The following PCDHGA7 variants were observed in gnomAD, a reference collection of about 807,000 sequenced individuals.
PCDHGA7 encodes protocadherin gamma subfamily A, 7.
A neutral mutation model predicts 58.3 loss-of-function variants in PCDHGA7; 44 were observed. The ratio of observed to expected loss-of-function variants is 0.75; its 90% confidence interval spans 0.59 to 0.97. PCDHGA7 has a LOEUF of 0.97. PCDHGA7 is among the 50% of genes least tolerant of loss of function. The pLI, the probability that PCDHGA7 is intolerant of heterozygous loss-of-function variation, is 0.00. For missense variants in PCDHGA7, 1,266 were observed against 1,188.7 expected (o/e 1.06, Z -0.96); for synonymous variants, 516 against 504.2 (o/e 1.02, Z -0.31).
At chr5:141,414,481 C>T (rs1011579090) in intron 1 of PCDHGA7, 2 of 1,613,948 alleles carry the variant, frequency 1.2e-6, no homozygotes, top group Non-Finnish European at 1.7e-6. Context: ...AAGTCCTCCT[C>T]TATCAACGGA....
intron 2 of PCDHGA7, among the ~76,000 whole-genome samples, chr5:141,496,538 T>G (rs568286018): frequency 1.5e-4 from 23 of 152,266 alleles, no homozygotes; most frequent in African/African-American, 5.5e-4. Flanking sequence ...TGGCAGAGAT[T>G]CCAGCTTCTG....
chr5:141,482,661 T>A (rs1215403061), intron 1 of PCDHGA7, among the ~76,000 whole-genome samples: 2 of 151,742 alleles, frequency 1.3e-5, no homozygotes, highest in African/African-American at 4.9e-5. Flanking sequence ...TGAGCTATGA[T>A]CTAAAGGTTG....
chr5:141,418,102 C>T (rs760484009), intron 1 of PCDHGA7: 15 of 1,614,014 alleles, frequency 9.3e-6, no homozygotes, highest in Non-Finnish European at 1.3e-5. Context: ...ACGCGCAGAG[C>T]GGGGACTTAC....
rs141397385 is a variant in PCDHGA7 at position 141,476,135 on chromosome 5, A to C, written c.2425-18672A>C. 8.4e-4 allele frequency: 1,352 copies of C among 1,608,526 alleles called. 1 individual carries two copies. Among genetic ancestry groups the C allele is most frequent in the Non-Finnish European group, 1.1e-3 (1,319 of 1,178,332 alleles). On this transcript the variant is annotated intron_variant, in intron 1 of 3. Transcript: ENST00000518325. This position sits in a 1 kb window ranked among gnomAD's most constrained non-coding sequence, Gnocchi z 7.6. ...GAGTGAGATGGTCCCAGAGGCCTGG[A>C]GGAGCGGACTGGTAAGCACCGGGAG...
chr5:141,403,613 C>T lies in PCDHGA7; in HGVS notation c.2424+18290C>T, dbSNP rs769394271. On this transcript the variant is annotated intron_variant, in intron 1 of 3. Transcript: ENST00000518325. ...CACGGCCTCGGATGGCGGCGAGCCG[C>T]GTCGCTCCAGCACAGTGCGCATCCA... The T allele has an allele frequency of 3.5e-5, 56 of 1,613,778 alleles. No homozygotes were observed. Among genetic ancestry groups the T allele is most frequent in the Non-Finnish European group, 4.7e-5 (55 of 1,179,908 alleles).
intron 1 of PCDHGA7, among the ~76,000 whole-genome samples, chr5:141,484,544 A>G (rs1160398392): frequency 6.6e-6 from 1 of 152,144 alleles, no homozygotes; most frequent in Non-Finnish European, 1.5e-5. Flanking sequence ...CAGTGGTTCT[A>G]ATTAGCAGTT....
Position 141,432,014 on chromosome 5 carries a change from AACATC to A in PCDHGA7, c.2424+46695_2424+46699del. ...GGATAGGGAACAGGTTCCTAGCTAC[AACATC>A]ACAGTGACCGCCACTGACCGGGGAA... On this transcript the variant is annotated intron_variant, in intron 1 of 3. Transcript: ENST00000518325. This position sits in a 1 kb window ranked among gnomAD's most constrained non-coding sequence, Gnocchi z 6.0. 6.2e-7 allele frequency: 1 copy of A among 1,614,078 alleles called. No individual in the cohort carries two copies. The highest frequency in any genetic ancestry group is 8.5e-7 in the Non-Finnish European group (1 of 1,180,036).
At chr5:141,395,340 G>A in intron 1 of PCDHGA7, 2 of 1,419,480 alleles carry the variant, frequency 1.4e-6, no homozygotes, top group Non-Finnish European at 1.9e-6. Context: ...TAATTTTTAA[G>A]GTGTATCACA....
intron 1 of PCDHGA7, chr5:141,404,337 C>T (rs766940096): frequency 5.0e-6 from 8 of 1,613,902 alleles, no homozygotes; most frequent in Admixed American, 1.7e-5. Flanking sequence ...GTCTACCTCC[C>T]GGAAAACAAC....
chr5:141,387,767 T>C, intron 1 of PCDHGA7: 5 of 1,435,258 alleles, frequency 3.5e-6, no homozygotes, highest in Non-Finnish European at 4.6e-6. Context: ...AAGAAGAATT[T>C]TTTCTTGAAC....
chr5:141,418,330 A>C (rs1346623372), intron 1 of PCDHGA7: 2 of 1,613,922 alleles, frequency 1.2e-6, no homozygotes, highest in Admixed American at 1.7e-5. Flanking sequence ...TTGAGTCTGC[A>C]GAAGATCCTG....
At position 141,512,045 on chromosome 5, in the gene PCDHGA7, C is replaced by T. The variant is rs568357347; in HGVS notation, c.*872C>T. On this transcript the variant is annotated 3_prime_UTR_variant, in exon 4 of 4. Transcript: ENST00000518325. ...GGCCTTGGAGGAGGCTCTGTATGTC[C>T]TCAGGGGACTGACAACATCCTCCAG... The T allele has an allele frequency of 1.5e-3, 224 of 152,846 alleles. 2 individuals are homozygous for T. The highest frequency in any genetic ancestry group is 4.6e-4 in the Non-Finnish European group (31 of 68,130). The allele number at this position is 152,846 out of a possible 1,614,324, so 9.5% of individuals were successfully genotyped here. A position where few individuals can be genotyped will look rare whatever the true frequency, so the allele number is the denominator to read the frequency against.
At chr5:141,437,338 C>T (rs1328789308) in intron 1 of PCDHGA7, among the ~76,000 whole-genome samples, 1 of 152,196 alleles carries the variant, frequency 6.6e-6, no homozygotes, top group Non-Finnish European at 1.5e-5. Flanking sequence ...TGTAGCTTCA[C>T]TGTTTTATAG....
intron 1 of PCDHGA7, among the ~76,000 whole-genome samples, chr5:141,449,869 T>G (rs1003364964): frequency 6.6e-6 from 1 of 151,924 alleles, no homozygotes; most frequent in African/African-American, 2.4e-5. Flanking sequence ...ATCAGAAAAT[T>G]TAACATCAAT....
chr5:141,404,315 G>A lies in PCDHGA7; in HGVS notation c.2424+18992G>A, dbSNP rs775576610. The A allele has an allele frequency of 9.7e-5, 157 of 1,613,768 alleles. No individual in the cohort carries two copies. Among genetic ancestry groups the A allele is most frequent in the South Asian group, 4.1e-4 (37 of 91,078 alleles). On this transcript the variant is annotated intron_variant, in intron 1 of 3. Transcript: ENST00000518325. Reference sequence around the variant, plus strand: ...TGATAATCCACCTGCTTTCTCTCAAGCCTCCTACTCAGTCTACCTCCCGGA... The same window carrying A: ...TGATAATCCACCTGCTTTCTCTCAAACCTCCTACTCAGTCTACCTCCCGGA...
chr5:141,395,542 TTGTGTGTG>T (rs55729045), intron 1 of PCDHGA7: 8,424 of 171,616 alleles, frequency 0.049, 167 homozygotes, highest in African/African-American at 0.088. Context: ...TTGCTATTGT[TTGTGTGTG>T]TGTGTGTGTG....
At chr5:141,459,775 T>C (rs377188083) in intron 1 of PCDHGA7, among the ~76,000 whole-genome samples, 8 of 152,362 alleles carry the variant, frequency 5.3e-5, no homozygotes, top group African/African-American at 1.4e-4. Flanking sequence ...TACTATCTCA[T>C]TGAAGTTTCA....
intron 1 of PCDHGA7, chr5:141,418,093 C>T: frequency 6.2e-7 from 1 of 1,614,032 alleles, no homozygotes; most frequent in East Asian, 2.2e-5. Flanking sequence ...TCAGCGTAGA[C>T]GCGCAGAGCG....
chr5:141,418,411 C>T, intron 1 of PCDHGA7: 1 of 1,613,986 alleles, frequency 6.2e-7, no homozygotes, highest in East Asian at 2.2e-5. Flanking sequence ...TGGAGAAAGA[C>T]AATCCTGATG....
Sources: gnomAD v4.1 joint callset for allele counts (sites outside exome capture counted in the v4.1 genomes callset) on GRCh38, gnomAD v4.1.1 for gene constraint, Gnocchi (gnomAD v3.1) non-coding constraint, MANE v1.5 for transcripts, NCBI Gene and HGNC (gene_info 2026-07-23, HGNC 2026-07-21) for gene names.